The following WDR59 variants were observed in gnomAD, a reference collection of about 807,000 sequenced individuals.
The protein encoded by WDR59 is WD repeat domain 59, also known as GATOR2 complex protein WDR59.
In WDR59, 100 loss-of-function variants were observed where a neutral mutation model predicts 131.2. The ratio of observed to expected loss-of-function variants is 0.76; its 90% confidence interval spans 0.65 to 0.90. The LOEUF (loss-of-function observed/expected upper bound fraction) is 0.90. Among genes scored for constraint, WDR59 ranks in the 40% least tolerant of loss-of-function variants. WDR59 has a pLI of 0.00. For missense variants in WDR59, 1,203 were observed against 1,262.2 expected (o/e 0.95, Z 0.71); for synonymous variants, 601 against 466.2 (o/e 1.29, Z -3.72).
At position 74,959,807 on chromosome 16, in the gene WDR59, C is replaced by G. The variant is rs545787203; in HGVS notation, c.105-3197G>C. Among the ~76,000 whole-genome samples the G allele has an allele frequency of 8.7e-5, 13 of 149,394 alleles. No homozygotes were observed. The East Asian group carries it at 2.5e-3, about 29-fold the overall frequency. ...AAGAAAAAACTCCTCCCTTGCCTCCCCACCGCCCTCCAAAATAATAACAAT... is the reference window on the plus strand; with the variant it reads ...AAGAAAAAACTCCTCCCTTGCCTCCGCACCGCCCTCCAAAATAATAACAAT... On this transcript the variant is annotated intron_variant, in intron 2 of 25. Transcript: ENST00000262144.
At chr16:74,890,257 C>T (rs749463853) in intron 20 of WDR59, among the ~76,000 whole-genome samples, 1 of 152,150 alleles carries the variant, frequency 6.6e-6, no homozygotes, top group African/African-American at 2.4e-5. Context: ...TTCAAGCCAT[C>T]CTCCTGCCTC....
chr16:74,933,445 G>C (rs1301100964), intron 8 of WDR59, among the ~76,000 whole-genome samples: 1 of 150,380 alleles, frequency 6.6e-6, no homozygotes, highest in Non-Finnish European at 1.5e-5. Flanking sequence ...GTTACTTTTT[G>C]TGTTTTTCAT....
chr16:74,881,264 G>A (rs1051802398), intron 25 of WDR59, among the ~76,000 whole-genome samples: 1 of 152,168 alleles, frequency 6.6e-6, no homozygotes, highest in Non-Finnish European at 1.5e-5. Context: ...GATATGGGAT[G>A]ACCCTTGCAG....
At position 74,885,669 on chromosome 16, in the gene WDR59, G is replaced by C. The variant is rs1259949011; in HGVS notation, c.2673C>G (p.Asp891Glu). Residue 891 changes from aspartate (D) to glutamate (E), a missense_variant, in exon 25 of 26, where the codon GAC (aspartate) becomes GAG (glutamate). Physicochemically the swap from Asp to Glu is conservative, Grantham distance 45. Transcript: ENST00000262144. ...CATACTCACCGATCCCTTTGTGAGG[G>C]TCAGGAGGACAGGAGACAAACTTCA... ...EVLKFVSCPP[D>E]PHKGIEFGVY... The C allele has an allele frequency of 1.2e-6, 2 of 1,613,866 alleles. No homozygotes were observed. The highest frequency in any genetic ancestry group is 1.7e-6 in the Non-Finnish European group (2 of 1,179,974).
chr16:74,918,527 G>C (rs1453783897), intron 10 of WDR59, among the ~76,000 whole-genome samples: 1 of 152,100 alleles, frequency 6.6e-6, no homozygotes, highest in Non-Finnish European at 1.5e-5. Context: ...AGAATTTTTT[G>C]GTAAAGTGAT....
Position 74,964,337 on chromosome 16 carries a change from C to T in WDR59, c.104+1436G>A, listed in dbSNP as rs556846261. ...GAGGTTGCAGTGAGCCGAGATCGTG[C>T]CACTGCACTCCAGCCTGGGCAACAA... On this transcript the variant is annotated intron_variant, in intron 2 of 25. Transcript: ENST00000262144. Among the ~76,000 whole-genome samples the T allele has an allele frequency of 8.7e-5, 13 of 149,696 alleles. No individual in the cohort carries two copies. The East Asian group carries it at 2.4e-3, about 28-fold the overall frequency.
intron 23 of WDR59, among the ~76,000 whole-genome samples, chr16:74,887,134 G>GGT (rs1267492963): frequency 6.6e-6 from 1 of 152,186 alleles, no homozygotes; most frequent in Non-Finnish European, 1.5e-5. Context: ...GCTATTCCTA[G>GGT]GTGGGAGATC....
At chr16:74,949,449 G>A (rs879723548) in intron 5 of WDR59, among the ~76,000 whole-genome samples, 2 of 150,932 alleles carry the variant, frequency 1.3e-5, no homozygotes, top group Non-Finnish European at 3.0e-5. Context: ...AAAGAAGGAG[G>A]GAGGGAAGGA....
intron 8 of WDR59, among the ~76,000 whole-genome samples, chr16:74,929,423 A>G (rs1409264687): frequency 6.6e-6 from 1 of 152,260 alleles, no homozygotes; most frequent in Non-Finnish European, 1.5e-5. Context: ...ACAGTATATG[A>G]AAAGATGCTC....
chr16:74,973,604 A>AT (rs1410353697), intron 1 of WDR59, among the ~76,000 whole-genome samples: 3 of 152,190 alleles, frequency 2.0e-5, no homozygotes, highest in Non-Finnish European at 2.9e-5. Context: ...TTTCTGAGCC[A>AT]TCCTTGTCTA....
At chr16:74,924,084 A>C in intron 8 of WDR59, 81 bp from the exon 9 acceptor site, 1 of 1,378,096 alleles carries the variant, frequency 7.3e-7, no homozygotes, top group Non-Finnish European at 1.0e-6. Context: ...CTTTGAACTC[A>C]TTGCTTCTGG....
At chr16:74,934,510 C>T (rs2031644884) in intron 8 of WDR59, among the ~76,000 whole-genome samples, 1 of 152,128 alleles carries the variant, frequency 6.6e-6, no homozygotes. Flanking sequence ...AAACAGAAGA[C>T]TTCATTCTAT....
intron 1 of WDR59, among the ~76,000 whole-genome samples, chr16:74,972,904 C>G (rs189763933): frequency 2.3e-4 from 34 of 149,706 alleles, no homozygotes; most frequent in African/African-American, 8.3e-4. Context: ...TAAAAGGGTC[C>G]GACCATTTCA....
intron 3 of WDR59, among the ~76,000 whole-genome samples, chr16:74,954,865 G>A (rs2033202947): frequency 6.6e-6 from 1 of 152,150 alleles, no homozygotes. Flanking sequence ...AGACACAAAA[G>A]GCCACTTGTT....
rs771603949 is a variant in WDR59, at chr16:74,903,973, T to TG, written c.1839dup (p.Ile614HisfsTer17). The TG allele has an allele frequency of 6.2e-7, 1 of 1,609,892 alleles. No homozygotes were observed. The stretch of plus-strand genomic sequence containing the variant: ...CGCTCCTTGTAGTAGAAGGAGCTGA[T>TG]GGAGACCTGCTCTTTCTCGCTGCGA... On this transcript the variant is annotated frameshift_variant, in exon 18 of 26. Coordinates refer to ENST00000262144, the MANE Select transcript of WDR59 (RefSeq NM_030581.4). LOFTEE classifies it high-confidence loss of function.
chr16:74,941,432 G>A lies in WDR59; in HGVS notation c.534+1306C>T, dbSNP rs376420778. ...GATGTGGCCAGGCGTGGTGGCTCAC[G>A]CCTATAATCCCAGCACTTTGGGAGG... On this transcript the variant is annotated intron_variant, in intron 7 of 25. Transcript: ENST00000262144. Among the ~76,000 whole-genome samples the A allele has an allele frequency of 2.2e-4, 34 of 151,796 alleles. 2 individuals are homozygous for A. In the South Asian group the frequency reaches 3.1e-3, roughly 14 times the overall value.
chr16:74,877,631 G>A (rs1052857468), intron 25 of WDR59, among the ~76,000 whole-genome samples: 16 of 152,168 alleles, frequency 1.1e-4, no homozygotes, highest in Non-Finnish European at 2.1e-4. Flanking sequence ...TGCAACCTCC[G>A]CCTCCCTGAT....
rs151175039 is a variant in WDR59 at position 74,939,466 on chromosome 16, C to T, written c.535-1200G>A. ...AAAATTATACTTAGAGCTTATAGTA[C>T]GAGGATAATGCATCTGTTCTAATGT... On this transcript the variant is annotated intron_variant, in intron 7 of 25. Coordinates refer to ENST00000262144, the MANE Select transcript of WDR59 (RefSeq NM_030581.4). Among the ~76,000 whole-genome samples, 11 of 150,806 alleles carry T rather than the reference C, an allele frequency of 7.3e-5. No individual in the cohort carries two copies. The East Asian group carries it at 9.8e-4, about 13-fold the overall frequency.
At chr16:74,957,377 G>A (rs565631187) in intron 2 of WDR59, among the ~76,000 whole-genome samples, 179 of 152,212 alleles carry the variant, frequency 1.2e-3, no homozygotes, top group East Asian at 3.9e-4. Flanking sequence ...AACCATGCCC[G>A]GCTGTCTTGA....
Sources: gnomAD v4.1 joint callset for allele counts (sites outside exome capture counted in the v4.1 genomes callset) on GRCh38, gnomAD v4.1.1 for gene constraint, MANE v1.5 for transcripts, NCBI Gene and HGNC (gene_info 2026-07-23, HGNC 2026-07-21) for gene names.